HSD17B12: variants seen among roughly 807,000 people sequenced by gnomAD.
HSD17B12 encodes very-long-chain 3-oxoacyl-CoA reductase.
HSD17B12 carries 32 observed loss-of-function variants against 39.3 expected under a neutral mutation model. That is an observed-to-expected ratio of 0.81 (90% confidence interval 0.61 to 1.09). The LOEUF is 1.09. HSD17B12 is among the 50% of genes least tolerant of loss of function. HSD17B12 has a pLI of 0.00. For missense variants in HSD17B12, 342 were observed against 382.9 expected (o/e 0.89, Z 0.89); for synonymous variants, 150 against 146.7 (o/e 1.02, Z -0.16).
chr11:43,757,733 TAAA>T (rs1029383936), intron 3 of HSD17B12, among the ~76,000 whole-genome samples: 1 of 59,768 alleles, frequency 1.7e-5, no homozygotes, highest in Non-Finnish European at 3.8e-5. Context: ...AACAGACAAA[TAAA>T]TAATTGCAGC....
At chr11:43,834,279 A>T (rs562856166) in intron 7 of HSD17B12, among the ~76,000 whole-genome samples, 75 of 151,778 alleles carry the variant, frequency 4.9e-4, no homozygotes, top group Non-Finnish European at 9.0e-4. Flanking sequence ...TTTAAGCTTT[A>T]ATATATATAT....
chr11:43,788,587 C>T (rs376241793), intron 3 of HSD17B12, among the ~76,000 whole-genome samples: 2 of 150,736 alleles, frequency 1.3e-5, no homozygotes, highest in South Asian at 2.1e-4. Flanking sequence ...TCCTCTCTCA[C>T]GGGACTAATG....
chr11:43,608,107 GTCTGCAA>G, the HSD17B12 span, among the ~76,000 whole-genome samples: 4 of 152,170 alleles, frequency 2.6e-5, no homozygotes, highest in Non-Finnish European at 5.9e-5. Flanking sequence ...GGTGGCTCAC[GTCTGCAA>G]TCCCAATACT....
the HSD17B12 span, among the ~76,000 whole-genome samples, chr11:43,658,401 C>T: frequency 1.3e-5 from 2 of 152,214 alleles, no homozygotes; most frequent in African/African-American, 4.8e-5. Context: ...TTGTGAAAGT[C>T]ATTCTCCATC....
chr11:43,681,604 T>C (rs1051378266), intron 1 of HSD17B12, among the ~76,000 whole-genome samples: 11 of 152,146 alleles, frequency 7.2e-5, no homozygotes, highest in East Asian at 5.8e-4. Flanking sequence ...TAAACTGTTC[T>C]GGAGTCCTAA....
At chr11:43,654,112 T>C in the HSD17B12 span, among the ~76,000 whole-genome samples, 1 of 152,224 alleles carries the variant, frequency 6.6e-6, no homozygotes, top group African/African-American at 2.4e-5. Context: ...TGGTATCTCA[T>C]TGTGGTTTTG....
chr11:43,576,739 TA>T, the HSD17B12 span: 1 of 152,140 alleles, frequency 6.6e-6, no homozygotes, highest in Non-Finnish European at 1.5e-5. Flanking sequence ...TGGGACTGAC[TA>T]GGGGGTAAGG....
chr11:43,593,338 A>T, the HSD17B12 span, among the ~76,000 whole-genome samples: 1 of 152,216 alleles, frequency 6.6e-6, no homozygotes, highest in African/African-American at 2.4e-5. Flanking sequence ...AATATTGACA[A>T]TATTTTTTGA....
chr11:43,791,615 A>G (rs192648291), intron 3 of HSD17B12, among the ~76,000 whole-genome samples: 3 of 152,074 alleles, frequency 2.0e-5, no homozygotes, highest in African/African-American at 7.2e-5. Context: ...ACTTCTGTTG[A>G]CCTTTTGTTT....
In HSD17B12 at chr11:43,724,993, A is replaced by G. The variant is rs191825995; in HGVS notation, c.161-25918A>G. ...GTATTCACTTATCTCTGTAACAAAT[A>G]TTTACTGAGTAGCTACTTGAGGGCC... On this transcript the variant is annotated intron_variant, in intron 1 of 10. Coordinates refer to ENST00000278353, the MANE Select transcript of HSD17B12 (RefSeq NM_016142.3). Among the ~76,000 whole-genome samples, 722 of 152,206 alleles carry G rather than the reference A, an allele frequency of 4.7e-3. 6 individuals are homozygous for G. The highest frequency in any genetic ancestry group is 5.7e-3 in the Non-Finnish European group (387 of 68,012).
the HSD17B12 span, among the ~76,000 whole-genome samples, chr11:43,674,221 T>C: frequency 6.6e-6 from 1 of 152,200 alleles, no homozygotes; most frequent in Non-Finnish European, 1.5e-5. Context: ...CATTAGATGT[T>C]AAATTTCAGC....
intron 3 of HSD17B12, among the ~76,000 whole-genome samples, chr11:43,754,598 G>GT (rs1213883014): frequency 6.6e-6 from 1 of 151,972 alleles, no homozygotes; most frequent in Non-Finnish European, 1.5e-5. Context: ...AACAAAAAAA[G>GT]TTTTTTAAAA....
chr11:43,610,860 T>C, the HSD17B12 span, among the ~76,000 whole-genome samples: 8 of 152,224 alleles, frequency 5.3e-5, no homozygotes, highest in Admixed American at 1.3e-4. Context: ...CTCTCATCTA[T>C]AGATAATACC....
intron 4 of HSD17B12, among the ~76,000 whole-genome samples, chr11:43,810,831 A>C (rs1268629762): frequency 1.3e-5 from 2 of 152,202 alleles, no homozygotes; most frequent in Admixed American, 1.3e-4. Flanking sequence ...CACTGAAAAA[A>C]ATGTTTAAAT....
intron 3 of HSD17B12, among the ~76,000 whole-genome samples, chr11:43,757,306 G>A (rs912883642): frequency 2.0e-5 from 3 of 152,162 alleles, no homozygotes; most frequent in Non-Finnish European, 2.9e-5. Flanking sequence ...TGCAGTCCCT[G>A]TTCTCAAAGA....
At chr11:43,828,420 C>T (rs1269626376) in intron 6 of HSD17B12, among the ~76,000 whole-genome samples, 4 of 151,702 alleles carry the variant, frequency 2.6e-5, no homozygotes, top group Non-Finnish European at 5.9e-5. Flanking sequence ...GGATTACAGG[C>T]GTGAGCCACC....
chr11:43,761,322 A>G (rs193165281), intron 3 of HSD17B12, among the ~76,000 whole-genome samples: 2 of 152,356 alleles, frequency 1.3e-5, no homozygotes, highest in African/African-American at 4.8e-5. Context: ...AACTCAATAA[A>G]GGCATGTTGT....
intron 1 of HSD17B12, among the ~76,000 whole-genome samples, chr11:43,685,264 A>T (rs1043898695): frequency 2.5e-5 from 1 of 39,316 alleles, no homozygotes; most frequent in African/African-American, 6.0e-5. Context: ...TCTCCTCTGG[A>T]AAAACCATTC....
rs1014290295 is a variant in HSD17B12 at position 43,732,584 on chromosome 11, C to T, written c.161-18327C>T. On this transcript the variant is annotated intron_variant, in intron 1 of 10. Transcript: ENST00000278353. ...GCCCAAGGAATCCTCCTTCCTCAGC[C>T]TCTCGAGTAGCTGGGACTACAGGCA... Among the ~76,000 whole-genome samples the T allele has an allele frequency of 2.6e-5, 4 of 152,190 alleles. No homozygotes were observed. In the East Asian group the frequency reaches 7.7e-4, roughly 29 times the overall value.
Sources: gnomAD v4.1 joint callset for allele counts (sites outside exome capture counted in the v4.1 genomes callset) on GRCh38, gnomAD v4.1.1 for gene constraint, MANE v1.5 for transcripts, NCBI Gene and HGNC (gene_info 2026-07-23, HGNC 2026-07-21) for gene names.